The following TENT5D variants were observed in gnomAD, a reference collection of about 807,000 sequenced individuals.
TENT5D encodes terminal nucleotidyltransferase 5D.
For missense variants in TENT5D, 191 were observed against 287.0 expected (o/e 0.67, Z 2.42); for synonymous variants, 103 against 100.6 (o/e 1.02, Z -0.15).
chrX:80,384,817 C>A (rs1930956913), intron 3 of TENT5D, among the ~76,000 whole-genome samples: 1 of 108,613 alleles, frequency 9.2e-6, no homozygotes, highest in Admixed American at 1.0e-4. Flanking sequence ...AGTGAACTCC[C>A]ATTCACAAAT....
intron 3 of TENT5D, among the ~76,000 whole-genome samples, chrX:80,403,965 C>T (rs750446191): frequency 1.8e-5 from 2 of 111,313 alleles, no homozygotes; most frequent in East Asian, 5.6e-4. Flanking sequence ...AGTATATGTA[C>T]GATGTACATT....
chrX:80,411,439 CTA>C (rs1931663736), intron 3 of TENT5D, among the ~76,000 whole-genome samples: 1 of 111,545 alleles, frequency 9.0e-6, no homozygotes, highest in South Asian at 3.7e-4. Context: ...TCTTAAATAA[CTA>C]GTTGTTTTAT....
intron 3 of TENT5D, among the ~76,000 whole-genome samples, chrX:80,410,259 A>C (rs1281316285): frequency 2.8e-5 from 3 of 106,120 alleles, no homozygotes; most frequent in African/African-American, 1.0e-4. Flanking sequence ...TAATTAAACT[A>C]AAGAGCTTCT....
chrX:80,339,304 C>T (rs764566535), intron 2 of TENT5D, among the ~76,000 whole-genome samples: 2 of 111,364 alleles, frequency 1.8e-5, no homozygotes, highest in South Asian at 7.6e-4. Context: ...TTCTAGCTGA[C>T]TGGAAATCTT....
chrX:80,400,418 T>C (rs1377698812), intron 3 of TENT5D, among the ~76,000 whole-genome samples: 1 of 111,436 alleles, frequency 9.0e-6, no homozygotes, highest in Admixed American at 9.5e-5. Context: ...TTTCCAGGGA[T>C]TTCTTAATCC....
intron 3 of TENT5D, among the ~76,000 whole-genome samples, chrX:80,385,875 A>G (rs1930986444): frequency 8.9e-6 from 1 of 112,462 alleles, no homozygotes; most frequent in Admixed American, 9.4e-5. Flanking sequence ...ACAGTGAGAT[A>G]CCACTTCACA....
Position 80,347,269 on chromosome X carries a change from G to T in TENT5D, c.-142+4705G>T, listed in dbSNP as rs373488963. Among the ~76,000 whole-genome samples, 209 of 111,507 alleles carry T rather than the reference G, an allele frequency of 1.9e-3. 3 individuals are homozygous for T. In the South Asian group the frequency reaches 0.072, roughly 38 times the overall value. The stretch of plus-strand genomic sequence containing the variant: ...AATTGCCACACTTTCTTCCACAATG[G>T]TTGAACTAATTTACACTCCCACCAA... On this transcript the variant is annotated intron_variant, in intron 3 of 4. Transcript: ENST00000538312.
At chrX:80,339,165 G>A (rs1929909005) in intron 2 of TENT5D, among the ~76,000 whole-genome samples, 1 of 111,219 alleles carries the variant, frequency 9.0e-6, no homozygotes, top group South Asian at 3.8e-4. Context: ...AGGTCTTCTT[G>A]ATTCCCAGTG....
At chrX:80,432,244 G>C (rs755973865) in intron 1 of TENT5D, among the ~76,000 whole-genome samples, 2 of 111,808 alleles carry the variant, frequency 1.8e-5, no homozygotes, top group African/African-American at 6.5e-5. Context: ...GGCTGTTGGT[G>C]ACTGGAGTTA....
intron 3 of TENT5D, among the ~76,000 whole-genome samples, chrX:80,366,301 A>G (rs1474745878): frequency 9.1e-6 from 1 of 109,763 alleles, no homozygotes; most frequent in African/African-American, 3.3e-5. Context: ...TTATTTAATG[A>G]AGTAAGCATT....
intron 3 of TENT5D, among the ~76,000 whole-genome samples, chrX:80,413,124 T>C (rs1417995432): frequency 8.9e-6 from 1 of 111,991 alleles, no homozygotes; most frequent in East Asian, 2.8e-4. Context: ...TGCTGACAAT[T>C]GTGAAGCCAT....
intron 3 of TENT5D, among the ~76,000 whole-genome samples, chrX:80,375,103 T>C (rs1930699371): frequency 8.9e-6 from 1 of 111,807 alleles, no homozygotes; most frequent in Admixed American, 9.6e-5. Context: ...TGCTATTGTC[T>C]TGCATTCTGT....
At chrX:80,437,178 T>C (rs1457443886) in intron 1 of TENT5D, among the ~76,000 whole-genome samples, 2 of 112,229 alleles carry the variant, frequency 1.8e-5, no homozygotes, top group African/African-American at 6.5e-5. Flanking sequence ...TTAACTGATA[T>C]CACAACTTTA....
chrX:80,403,158 T>C (rs2147546724), intron 3 of TENT5D, among the ~76,000 whole-genome samples: 1 of 112,433 alleles, frequency 8.9e-6, no homozygotes, highest in East Asian at 2.8e-4. Flanking sequence ...TTGTATTTTT[T>C]ACTGTTGCTC....
chrX:80,426,498 T>C (rs183103296), intron 1 of TENT5D, among the ~76,000 whole-genome samples: 1 of 111,798 alleles, frequency 8.9e-6, no homozygotes, highest in East Asian at 2.8e-4. Context: ...ACAAACCTTT[T>C]ATAACCCTTT....
chrX:80,383,213 G>T (rs762634426), intron 3 of TENT5D, among the ~76,000 whole-genome samples: 17 of 112,398 alleles, frequency 1.5e-4, no homozygotes, highest in Middle Eastern at 4.6e-3. Flanking sequence ...AATTTTAAAA[G>T]CTACTTTATA....
At chrX:80,410,799 G>A (rs1420484607) in intron 3 of TENT5D, among the ~76,000 whole-genome samples, 1 of 109,394 alleles carries the variant, frequency 9.1e-6, no homozygotes, top group Non-Finnish European at 1.9e-5. Context: ...GCACACGTAT[G>A]TTTATTGTGG....
intron 3 of TENT5D, among the ~76,000 whole-genome samples, chrX:80,403,339 A>G (rs1156779156): frequency 8.9e-6 from 1 of 111,990 alleles, no homozygotes; most frequent in Admixed American, 9.5e-5. Context: ...CCCTTAAGAC[A>G]TTGTTATTTA....
chrX:80,412,327 C>T (rs1377081154), intron 3 of TENT5D, among the ~76,000 whole-genome samples: 1 of 112,443 alleles, frequency 8.9e-6, no homozygotes, highest in Non-Finnish European at 1.9e-5. Flanking sequence ...GAGGCTGCCA[C>T]GAAGGTCTCT....
Sources: gnomAD v4.1 joint callset for allele counts (sites outside exome capture counted in the v4.1 genomes callset) on GRCh38, gnomAD v4.1.1 for gene constraint, MANE v1.5 for transcripts, NCBI Gene and HGNC (gene_info 2026-07-23, HGNC 2026-07-21) for gene names.